ADA2: variants seen among roughly 807,000 people sequenced by gnomAD.
The protein encoded by ADA2 is adenosine deaminase 2, also known as adenosine deaminase CECR1.
ADA2 carries 29 observed loss-of-function variants against 44.2 expected under a neutral mutation model. The observed-to-expected ratio is 0.66, with a 90% confidence interval of 0.49 to 0.89. ADA2 has a LOEUF of 0.89. ADA2 is among the 40% of genes least tolerant of loss of function. ADA2 has a pLI of 0.00. For missense variants in ADA2, 637 were observed against 644.8 expected, an observed-to-expected ratio of 0.99 and a Z score of 0.13; for synonymous variants, 215 against 234.9, an observed-to-expected ratio of 0.92 and a Z score of 0.77.
chr22:17,181,493 G>T lies in ADA2; in HGVS notation c.1526C>A (p.Ala509Asp). ...CTGGCTAGCTTCTCCTCACTTTGTA[G>T]CCACATCTGCTATGAACTTATCCCA... ...KRWDKFIADVATK is the reference protein window; with the variant it reads ...KRWDKFIADVDTK The change falls in exon 10 of 10, where the codon GCT becomes GAT. Residue 509 changes from alanine to aspartate, a missense_variant. Coordinates refer to ENST00000399837, the MANE Select transcript of ADA2 (RefSeq NM_001282225.2). The T allele has an allele frequency of 6.2e-7, 1 of 1,610,008 alleles. No individual in the cohort carries two copies. Among genetic ancestry groups the T allele is most frequent in the South Asian group, 1.1e-5 (1 of 90,988 alleles).
At position 17,207,085 on chromosome 22, in the gene ADA2, A is replaced by T. The variant is rs1168939231; in HGVS notation, c.528T>A (p.Thr176=). ...EDYRKRVQNV[T]EFDDSLLRNF... ...CTACTACTCACCTGTCATCAAACTC[A>T]GTGACGTTCTGCACCCGCTTCCGAT... The change falls in exon 3 of 10, where the codon ACT becomes ACA. Residue 176 remains threonine (T), a synonymous_variant. Transcript: ENST00000399837. The T allele has an allele frequency of 2.5e-6, 4 of 1,613,988 alleles. No individual in the cohort carries two copies. Among genetic ancestry groups the T allele is most frequent in the Non-Finnish European group, 3.4e-6 (4 of 1,179,844 alleles).
In ADA2 at chr22:17,189,972, CTT is replaced by C. The variant is rs768987774; in HGVS notation, c.940_941del (p.Lys314ValfsTer9). ...SIRMAMGLRI[K>X]FPTVVAGFDL... ...CAAACCCTGCCACCACCGTGGGGAA[CTT>C]GATTCGGAGCCCCATGGCCATTCGG... On this transcript the variant is annotated frameshift_variant, in exon 6 of 10. Transcript: ENST00000399837. LOFTEE classifies it high-confidence loss of function. 5 of 1,613,928 alleles carry C rather than the reference CTT, an allele frequency of 3.1e-6. No homozygotes were observed. The Admixed American group carries it at 6.7e-5, about 22-fold the overall frequency.
chr22:17,207,417 A>G (rs1261099206), intron 2 of ADA2, 127 bp from the exon 3 acceptor site: 1 of 657,780 alleles, frequency 1.5e-6, no homozygotes, highest in Non-Finnish European at 2.6e-6. Flanking sequence ...CAAAGGGGTG[A>G]AGTCCCATCC....
At chr22:17,198,265 A>G (rs897402793) in intron 4 of ADA2, among the ~76,000 whole-genome samples, 2 of 152,138 alleles carry the variant, frequency 1.3e-5, no homozygotes, top group African/African-American at 4.8e-5. Flanking sequence ...CCCACCCCAG[A>G]GCAACCAAAT....
At chr22:17,185,492 A>C (rs2062026241) in intron 7 of ADA2, among the ~76,000 whole-genome samples, 1 of 152,218 alleles carries the variant, frequency 6.6e-6, no homozygotes, top group Non-Finnish European at 1.5e-5. Context: ...TAGATACCCA[A>C]GTCCTGGCAA....
At chr22:17,205,814 C>CA (rs1262891966) in intron 3 of ADA2, among the ~76,000 whole-genome samples, 2 of 151,438 alleles carry the variant, frequency 1.3e-5, no homozygotes, top group Admixed American at 6.6e-5. Flanking sequence ...CCCCATCTCA[C>CA]AAAAAATACA....
intron 4 of ADA2, among the ~76,000 whole-genome samples, chr22:17,202,884 A>C (rs1306405040): frequency 6.6e-6 from 1 of 150,756 alleles, no homozygotes; most frequent in African/African-American, 2.4e-5. Context: ...CCCAGGTTCA[A>C]GTGTTCTCCT....
At chr22:17,216,147 A>G (rs968838815) in intron 1 of ADA2, among the ~76,000 whole-genome samples, 5 of 152,210 alleles carry the variant, frequency 3.3e-5, no homozygotes, top group African/African-American at 1.2e-4. Context: ...ATATCGCACC[A>G]CTGCACTCCA....
chr22:17,191,864 C>G, intron 4 of ADA2, 54 bp from the exon 5 acceptor site: 1 of 1,559,066 alleles, frequency 6.4e-7, no homozygotes, highest in Non-Finnish European at 8.7e-7. Context: ...AGACGCCACC[C>G]CCTTCCCAGC....
intron 3 of ADA2, among the ~76,000 whole-genome samples, chr22:17,204,811 T>C (rs1276890076): frequency 6.6e-6 from 1 of 150,900 alleles, no homozygotes; most frequent in African/African-American, 2.4e-5. Context: ...TTTTTTTTTT[T>C]TGAAACAGGG....
At chr22:17,208,903 C>T (rs777284264) in intron 2 of ADA2, among the ~76,000 whole-genome samples, 4 of 151,498 alleles carry the variant, frequency 2.6e-5, no homozygotes. Context: ...ATCATAGCTC[C>T]CTGCAAACTC....
At chr22:17,208,452 A>T (rs1252128102) in intron 2 of ADA2, among the ~76,000 whole-genome samples, 1 of 151,600 alleles carries the variant, frequency 6.6e-6, no homozygotes, top group African/African-American at 2.4e-5. Flanking sequence ...AAAGAAAAAA[A>T]AAAAACAGGT....
intron 6 of ADA2, 67 bp from the exon 7 acceptor site, chr22:17,188,514 T>G (rs1430405012): frequency 1.4e-5 from 15 of 1,045,670 alleles, no homozygotes; most frequent in Non-Finnish European, 2.2e-5. Flanking sequence ...TGGCGCGCCC[T>G]GGAGCCTGTG....
rs116036346 is a variant in ADA2, at chr22:17,214,872, A to G, written c.-47+4484T>C. ...CACAGCATTCTTTGAAATGGAGCCC[A>G]GATATAGCCTGCCTGTCAATCCTCA... On this transcript the variant is annotated intron_variant, in intron 1 of 9. Transcript: ENST00000399837. Among the ~76,000 whole-genome samples the G allele has an allele frequency of 5.2e-3, 800 of 152,382 alleles. 3 individuals are homozygous for G. The highest frequency in any genetic ancestry group is 0.018 in the African/African-American group (763 of 41,596).
chr22:17,212,937 G>A (rs2062432934), intron 1 of ADA2, among the ~76,000 whole-genome samples: 1 of 145,816 alleles, frequency 6.9e-6, no homozygotes, highest in South Asian at 2.2e-4. Flanking sequence ...GCTGAGTGTA[G>A]TACCACTACA....
intron 4 of ADA2, among the ~76,000 whole-genome samples, chr22:17,196,432 T>A (rs1190865644): frequency 6.6e-6 from 1 of 152,128 alleles, no homozygotes; most frequent in Non-Finnish European, 1.5e-5. Context: ...CAAAAATTTT[T>A]AAGAATATAA....
chr22:17,211,238 A>G (rs528768010), intron 1 of ADA2, among the ~76,000 whole-genome samples: 2 of 151,936 alleles, frequency 1.3e-5, no homozygotes, highest in African/African-American at 2.4e-5. Context: ...GCATGCCTGT[A>G]GTCCCAGCTG....
intron 1 of ADA2, chr22:17,213,576 A>G: frequency 3.3e-6 from 1 of 305,348 alleles, no homozygotes; most frequent in East Asian, 1.3e-4. Flanking sequence ...GCTCAGAGTG[A>G]CCAAGCGGAA....
chr22:17,204,794 CTT>C (rs535426763), intron 3 of ADA2, among the ~76,000 whole-genome samples: 24 of 132,876 alleles, frequency 1.8e-4, no homozygotes, highest in Admixed American at 1.6e-4. Flanking sequence ...TCAATTCCTT[CTT>C]TTTTTTTTTT....
Sources: allele counts gnomAD v4.1 joint callset (sites outside exome capture counted in the v4.1 genomes callset), GRCh38; gene constraint gnomAD v4.1.1; transcripts MANE v1.5; gene names NCBI Gene and HGNC (gene_info 2026-07-23, HGNC 2026-07-21).